Variants in OSBPL7 observed in about 807,000 individuals in gnomAD.
OSBPL7 encodes oxysterol-binding protein-related protein 7.
A neutral mutation model predicts 115.8 loss-of-function variants in OSBPL7; 66 were observed. That is an observed-to-expected ratio of 0.57 (90% CI 0.47 to 0.70). The LOEUF (loss-of-function observed/expected upper bound fraction) is 0.70. Among genes scored for constraint, OSBPL7 ranks in the 30% least tolerant of loss-of-function variants. The pLI is 0.00. For synonymous variants in OSBPL7, 441 were observed against 439.2 expected, an observed-to-expected ratio of 1.00 and a Z score of -0.05; for missense variants, 902 against 1,125.5, an observed-to-expected ratio of 0.80 and a Z score of 2.84.
chr17:47,817,218 G>A, intron 8 of OSBPL7, 38 bp downstream of exon 8: 1 of 1,493,496 alleles, frequency 6.7e-7, no homozygotes, highest in Non-Finnish European at 9.1e-7. Context: ...TGGGATCGGG[G>A]GCCTGAGCAG....
chr17:47,820,428 C>G (rs2033364363), intron 1 of OSBPL7, 63 bp from the exon 2 acceptor site: 16 of 676,440 alleles, frequency 2.4e-5, no homozygotes, highest in Non-Finnish European at 3.7e-5. Context: ...ACCTCCAGCC[C>G]CTCCCACACC....
intron 14 of OSBPL7, 88 bp downstream of exon 14, chr17:47,814,433 G>T: frequency 2.4e-6 from 3 of 1,257,006 alleles, no homozygotes; most frequent in Non-Finnish European, 3.4e-6. Context: ...CACCACAAGG[G>T]ATGGCCTTTG....
At chr17:47,821,549 T>A (rs1413789180) in intron 1 of OSBPL7, 117 bp downstream of exon 1, 1 of 152,020 alleles carries the variant, frequency 6.6e-6, no homozygotes, top group East Asian at 1.9e-4. Flanking sequence ...AGGTGAAGGG[T>A]CTAGGTGAGC....
In OSBPL7 at chr17:47,815,092, C is replaced by T. The variant is rs1318100993; in HGVS notation, c.1257+123G>A. 1.2e-5 allele frequency: 16 copies of T among 1,309,660 alleles called. No individual in the cohort carries two copies. The East Asian group carries it at 1.9e-4, about 15-fold the overall frequency. The allele number at this position is 1,309,660 out of a possible 1,614,324, so 81.1% of individuals were successfully genotyped here. ...CAAACTCAGCTGATCTGGACATAGT[C>T]CCAGAGATAGCAGCTGAGGTGGTGA... On this transcript the variant is annotated intron_variant, in intron 13 of 22. Coordinates refer to ENST00000007414, the MANE Select transcript of OSBPL7 (RefSeq NM_145798.3).
rs780735525 is a variant in OSBPL7 at position 47,815,245 on chromosome 17, A to G, written c.1227T>C (p.Val409=). 1 of 1,613,514 alleles carries G rather than the reference A, an allele frequency of 6.2e-7. No individual in the cohort carries two copies. Among genetic ancestry groups the G allele is most frequent in the African/African-American group, 1.3e-5 (1 of 74,914 alleles). Residue 409 remains valine, a synonymous_variant, in exon 13 of 23, where the codon GTT becomes GTC. Transcript: ENST00000007414. Reference sequence around the variant, plus strand: ...TCTCAGAAGAGCTGGCGGAGAGGAGAACCTCGCAGGCATCGAAGAACTCCG... The same window carrying G: ...TCTCAGAAGAGCTGGCGGAGAGGAGGACCTCGCAGGCATCGAAGAACTCCG... ...SHTEFFDACE[V]LLSASSSENE...
rs1468276600 is a variant in OSBPL7, at chr17:47,814,747, T to G, written c.1258-133A>C. On this transcript the variant is annotated intron_variant, in intron 13 of 22. Transcript: ENST00000007414. The stretch of plus-strand genomic sequence containing the variant: ...GGAAGAGAATGTATTGGGGGCACTC[T>G]GAGCCCTAAGACATTGCCCCGGGAT... The G allele has an allele frequency of 7.9e-6, 6 of 762,574 alleles. No individual in the cohort carries two copies. In the Admixed American group the frequency reaches 1.3e-4, roughly 16 times the overall value. The allele number at this position is 762,574 out of a possible 1,614,324, so 47.2% of individuals were successfully genotyped here.
At position 47,810,845 on chromosome 17, in the gene OSBPL7, C is replaced by T; in HGVS notation, c.1738-10G>A. On this transcript the variant is annotated splice_polypyrimidine_tract_variant and intron_variant, in intron 16 of 22. Transcript: ENST00000007414. Reference sequence around the variant, plus strand: ...GGGGGTGGTGGGAGACCTTGGTGAGCAAAGAAGTTATCTTGAGGCTGTCCC... The same window carrying T: ...GGGGGTGGTGGGAGACCTTGGTGAGTAAAGAAGTTATCTTGAGGCTGTCCC... 2.5e-6 allele frequency: 4 copies of T among 1,612,844 alleles called. No homozygotes were observed. The highest frequency in any genetic ancestry group is 1.1e-5 in the South Asian group (1 of 90,910).
At chr17:47,815,381 CTCCGGGGCCA>C (rs747509078) in intron 12 of OSBPL7, 29 bp from the exon 13 acceptor site, 5 of 1,612,110 alleles carry the variant, frequency 3.1e-6, no homozygotes, top group Non-Finnish European at 4.2e-6. Flanking sequence ...GGATGTCAGG[CTCCGGGGCCA>C]AGCCGGGGGG....
intron 2 of OSBPL7, 22 bp downstream of exon 2, chr17:47,820,182 C>G: frequency 6.2e-7 from 1 of 1,613,884 alleles, no homozygotes; most frequent in South Asian, 1.1e-5. Flanking sequence ...GCCCACCCAC[C>G]ACCGCTTTCC....
At position 47,816,764 on chromosome 17, in the gene OSBPL7, G is replaced by A. The variant is rs199856664; in HGVS notation, c.795+16C>T. On this transcript the variant is annotated intron_variant, in intron 9 of 22. Coordinates refer to ENST00000007414, the MANE Select transcript of OSBPL7 (RefSeq NM_145798.3). The surrounding 1 kb of genome is among the most constrained non-coding windows in gnomAD (Gnocchi z 5.8). ...GCATCCTGCCCCAGCTACGTGAGGT[G>A]CATGCCCGACCTCACCCGTCCAATG... is the stretch of plus-strand genomic sequence containing the variant. The A allele has an allele frequency of 6.2e-7, 1 of 1,614,118 alleles. No homozygotes were observed. Among genetic ancestry groups the A allele is most frequent in the East Asian group, 2.2e-5 (1 of 44,882 alleles).
At position 47,816,183 on chromosome 17, in the gene OSBPL7, C is replaced by T. The variant is rs753546134; in HGVS notation, c.1043G>A (p.Gly348Asp). The T allele has an allele frequency of 2.6e-5, 41 of 1,550,280 alleles. No individual in the cohort carries two copies. Among genetic ancestry groups the T allele is most frequent in the Admixed American group, 5.9e-5 (3 of 50,964 alleles). The change falls in exon 12 of 23, where the codon GGC becomes GAC. Residue 348 changes from glycine to aspartate, a missense_variant. Transcript: ENST00000007414. This position sits in a 1 kb window ranked among gnomAD's most constrained non-coding sequence, Gnocchi z 5.8. The stretch of plus-strand genomic sequence containing the variant: ...GGACAGTGAGTGGAGGCGCCTCTGG[C>T]CAGTGGAGGCCTCAGAGACCTGCAG... ...SRMGVSEAST[G>D]QRRLHSLSTS...
intron 16 of OSBPL7, 56 bp from the exon 17 acceptor site, chr17:47,810,891 C>A (rs1254045984): frequency 4.5e-6 from 7 of 1,546,958 alleles, no homozygotes; most frequent in Non-Finnish European, 6.2e-6. Context: ...TAGGCTACCC[C>A]AAAGTCCCTT....
chr17:47,808,634 G>C lies in OSBPL7; in HGVS notation c.2324C>G (p.Ala775Gly), dbSNP rs775094124. 4.3e-6 allele frequency: 7 copies of C among 1,614,114 alleles called. No homozygotes were observed. The highest frequency in any genetic ancestry group is 5.9e-6 in the Non-Finnish European group (7 of 1,180,056). Residue 775 changes from alanine (A) to glycine (G), a missense_variant, in exon 22 of 23, where the codon GCC (alanine) becomes GGC (glycine). By Grantham distance (60) the Ala-to-Gly change is moderately conservative (BLOSUM62 0). This residue lies in a region of OSBPL7 where 230 missense variants were observed against 312.7 expected (regional missense o/e 0.74). Coordinates refer to ENST00000007414, the MANE Select transcript of OSBPL7 (RefSeq NM_145798.3). This position sits in a 1 kb window ranked among gnomAD's most constrained non-coding sequence, Gnocchi z 6.1. ...QRYLEEGNIQ[A>G]AEAQKRRIEQ... ...GATCCTTCTCTTCTGGGCCTCAGCGGCCTGTATGTTCCCCTCCTCCAGGTA... is the reference window on the plus strand; with the variant it reads ...GATCCTTCTCTTCTGGGCCTCAGCGCCCTGTATGTTCCCCTCCTCCAGGTA...
intron 7 of OSBPL7, among the ~76,000 whole-genome samples, chr17:47,817,847 G>A (rs987125716): frequency 6.6e-6 from 1 of 152,190 alleles, no homozygotes; most frequent in Non-Finnish European, 1.5e-5. Context: ...TCTAGACCAT[G>A]CCTCACCTTT....
intron 14 of OSBPL7, 64 bp downstream of exon 14, chr17:47,814,457 C>T (rs2033147015): frequency 6.7e-7 from 1 of 1,486,168 alleles, no homozygotes; most frequent in Non-Finnish European, 9.3e-7. Flanking sequence ...GGGCCTGGGC[C>T]ATGGACAAAC....
intron 12 of OSBPL7, chr17:47,815,582 A>G: frequency 1.8e-6 from 1 of 568,688 alleles, no homozygotes; most frequent in Non-Finnish European, 3.1e-6. Context: ...ATAACTGTTT[A>G]CACTTCCTGG....
rs781565013 is a variant in OSBPL7, at chr17:47,814,529, C to A, written c.1343G>T (p.Cys448Phe). The A allele has an allele frequency of 6.8e-7, 1 of 1,468,024 alleles. No homozygotes were observed. Among genetic ancestry groups the A allele is most frequent in the Admixed American group, 1.8e-5 (1 of 55,258 alleles). The allele number at this position is 1,468,024 out of a possible 1,614,324, so 90.9% of individuals were successfully genotyped here. A position where few individuals can be genotyped will look rare whatever the true frequency, so the allele number is the denominator to read the frequency against. Residue 448 changes from cysteine to phenylalanine, a missense_variant, in exon 14 of 23, where the codon TGT becomes TTT. This residue lies in a region of OSBPL7 where 667 missense variants were observed against 788.7 expected (regional missense o/e 0.85). Coordinates refer to ENST00000007414, the MANE Select transcript of OSBPL7 (RefSeq NM_145798.3). ...GCCCACCCAGCTGGCACCTTTCTGA[C>A]AGCGCTCAGCTCCCCTGAGGTCCAG... ...EMLDLRGAER[C>F]QKGGCVPGRP... is the part of the protein sequence containing the mutation.
chr17:47,809,910 TC>T (rs56087144), intron 18 of OSBPL7, among the ~76,000 whole-genome samples: 9,521 of 67,000 alleles, frequency 0.14, 460 homozygotes, highest in South Asian at 0.21. Flanking sequence ...TCTTTTCTTT[TC>T]TTTTTTTTTT....
chr17:47,813,516 T>C lies in OSBPL7; in HGVS notation c.1599+71A>G, dbSNP rs1259739357. 17 of 1,586,686 alleles carry C rather than the reference T, an allele frequency of 1.1e-5. No homozygotes were observed. In the Admixed American group the frequency reaches 2.9e-4, roughly 27 times the overall value. On this transcript the variant is annotated intron_variant, in intron 15 of 22. Transcript: ENST00000007414. ...GCAATAAGGAACAGCCCAGCCAGGA[T>C]TTTCTGGGAGAAAAGATCCCAGGGA... is the stretch of plus-strand genomic sequence containing the variant.
Sources: gnomAD v4.1 joint callset for allele counts (sites outside exome capture counted in the v4.1 genomes callset) on GRCh38, gnomAD v4.1.1 for gene constraint, gnomAD v4.1.1 regional missense constraint, Gnocchi (gnomAD v3.1) non-coding constraint, MANE v1.5 for transcripts, NCBI Gene and HGNC (gene_info 2026-07-23, HGNC 2026-07-21) for gene names.